Variants in LRP2 observed in about 807,000 individuals in gnomAD.
The protein encoded by LRP2 is LDL receptor related protein 2.
LRP2 carries 172 observed loss-of-function variants against 531.0 expected under a neutral mutation model. The observed-to-expected ratio is 0.32, with a 90% confidence interval of 0.29 to 0.37. The LOEUF is 0.37. LRP2 is among the 10% of genes least tolerant of loss of function. The probability of loss-of-function intolerance (pLI) is 1.00; values close to 1 mark genes in which losing one functional copy is unlikely to be tolerated. For missense variants in LRP2, 5,167 were observed against 5,868.3 expected (o/e 0.88, Z 3.90); for synonymous variants, 1,992 against 2,027.6 (o/e 0.98, Z 0.47).
In LRP2 at chr2:169,344,948, G is replaced by A. The variant is rs184281464; in HGVS notation, c.79+17373C>T. On this transcript the variant is annotated intron_variant, in intron 1 of 78. Transcript: ENST00000649046. The stretch of plus-strand genomic sequence containing the variant: ...GGCAGGCAGTGACTGAGATGAGAAG[G>A]AAACACTCTAATTTGTCATCAAAAA... 5.3e-4 allele frequency among the ~76,000 whole-genome samples: 81 copies of A among 152,142 alleles called. No homozygotes were observed. In the South Asian group the frequency reaches 5.6e-3, roughly 11 times the overall value.
intron 70 of LRP2, among the ~76,000 whole-genome samples, chr2:169,145,184 T>C (rs2105346364): frequency 6.6e-6 from 1 of 152,336 alleles, no homozygotes; most frequent in Non-Finnish European, 1.5e-5. Context: ...CTCACTTCCC[T>C]TTGCCTTTCA....
At chr2:169,316,221 A>G (rs1483755697) in intron 3 of LRP2, among the ~76,000 whole-genome samples, 3 of 152,086 alleles carry the variant, frequency 2.0e-5, no homozygotes, top group Non-Finnish European at 4.4e-5. Flanking sequence ...AGAAATATTT[A>G]TGAGGCAAAT....
chr2:169,289,575 AG>A (rs200495175), intron 8 of LRP2, among the ~76,000 whole-genome samples: 4,792 of 151,444 alleles, frequency 0.032, 138 homozygotes, highest in Middle Eastern at 0.13. Context: ...ACAAAAGAAA[AG>A]AAAAAGCTCC....
At chr2:169,181,298 G>C in intron 52 of LRP2, 150 bp downstream of exon 52, 1 of 707,978 alleles carries the variant, frequency 1.4e-6, no homozygotes, top group Admixed American at 2.1e-5. Context: ...ATAGAGCTCA[G>C]CAGTTTTAGT....
chr2:169,310,925 C>A (rs988598631), intron 3 of LRP2, among the ~76,000 whole-genome samples: 1 of 152,102 alleles, frequency 6.6e-6, no homozygotes, highest in African/African-American at 2.4e-5. Context: ...CTGGTTTAGT[C>A]TTGGGAGGGC....
chr2:169,185,981 C>A lies in LRP2; in HGVS notation c.9367G>T (p.Asp3123Tyr). The A allele has an allele frequency of 6.2e-7, 1 of 1,613,646 alleles. No individual in the cohort carries two copies. Among genetic ancestry groups the A allele is most frequent in the Non-Finnish European group, 8.5e-7 (1 of 1,179,898 alleles). The change falls in exon 50 of 79, where the codon GAT (aspartate) becomes TAT (tyrosine). Residue 3123 changes from aspartate (D) to tyrosine (Y), a missense_variant. Transcript: ENST00000649046. ...ECHDPSISGCDHNCTDTLTSF... is the reference protein window; with the variant it reads ...ECHDPSISGCYHNCTDTLTSF... ...GTTAAGGTGTCTGTGCAGTTGTGAT[C>A]GCAGCCACTGATTGAAGGGTCATGG...
chr2:169,225,221 C>T (rs1574152231), intron 33 of LRP2, 89 bp downstream of exon 33: 4 of 1,400,006 alleles, frequency 2.9e-6, no homozygotes, highest in Non-Finnish European at 4.0e-6. Flanking sequence ...AAAAATGATT[C>T]CAAAATCCAC....
At chr2:169,316,369 A>ACAGCAAT (rs1684763870) in intron 3 of LRP2, among the ~76,000 whole-genome samples, 1 of 152,172 alleles carries the variant, frequency 6.6e-6, no homozygotes, top group Admixed American at 6.6e-5. Flanking sequence ...CCTGTCACTT[A>ACAGCAAT]CAGCAATCTT....
At chr2:169,216,223 A>G in intron 35 of LRP2, 30 bp downstream of exon 35, 1 of 1,611,456 alleles carries the variant, frequency 6.2e-7, no homozygotes, top group Admixed American at 1.7e-5. Flanking sequence ...GCTCAGCATA[A>G]AGACCAAAAG....
intron 17 of LRP2, among the ~76,000 whole-genome samples, chr2:169,257,967 A>G (rs1268004285): frequency 6.6e-6 from 1 of 152,146 alleles, no homozygotes; most frequent in Non-Finnish European, 1.5e-5. Flanking sequence ...TAAACAAAAG[A>G]GTCATCAGGA....
In LRP2 at chr2:169,232,316, T is replaced by C. The variant is rs116718746; in HGVS notation, c.5099-474A>G. Among the ~76,000 whole-genome samples, 1,064 of 151,854 alleles carry C rather than the reference T, an allele frequency of 7.0e-3. 7 individuals carry two copies. Among genetic ancestry groups the C allele is most frequent in the Middle Eastern group, 0.041 (12 of 294 alleles). On this transcript the variant is annotated intron_variant, in intron 30 of 78. Coordinates refer to ENST00000649046, the MANE Select transcript of LRP2 (RefSeq NM_004525.3). ...TTTATTTTTCTACTGATGATATCTC[T>C]GTGTGTCTCTGCACCTTGAAAATCA...
chr2:169,303,431 G>A (rs938831967), intron 4 of LRP2, among the ~76,000 whole-genome samples: 2 of 152,044 alleles, frequency 1.3e-5, no homozygotes, highest in African/African-American at 2.4e-5. Flanking sequence ...CAGCATTGAC[G>A]TGAAAAGTGG....
intron 61 of LRP2, 134 bp from the exon 62 acceptor site, chr2:169,166,188 C>T: frequency 2.4e-6 from 2 of 849,826 alleles, no homozygotes; most frequent in Non-Finnish European, 3.9e-6. Context: ...AATCAATCAG[C>T]AGATACACCT....
intron 4 of LRP2, among the ~76,000 whole-genome samples, chr2:169,298,167 A>G (rs1403675770): frequency 2.6e-5 from 4 of 151,436 alleles, no homozygotes; most frequent in Non-Finnish European, 5.9e-5. Flanking sequence ...ACTTACTTCA[A>G]GCGCTACCCA....
chr2:169,211,664 G>A (rs1297678255), intron 37 of LRP2, among the ~76,000 whole-genome samples: 2 of 152,068 alleles, frequency 1.3e-5, no homozygotes, highest in African/African-American at 4.8e-5. Context: ...CGTGATCCAT[G>A]GGCCAGCACC....
chr2:169,294,760 A>G, intron 4 of LRP2, 50 bp from the exon 5 acceptor site: 1 of 1,249,452 alleles, frequency 8.0e-7, no homozygotes, highest in Non-Finnish European at 1.1e-6. Flanking sequence ...AACAGTAAAC[A>G]AACCTTAAAT....
intron 30 of LRP2, among the ~76,000 whole-genome samples, chr2:169,232,295 T>C (rs1184657311): frequency 6.6e-6 from 1 of 152,204 alleles, no homozygotes; most frequent in African/African-American, 2.4e-5. Flanking sequence ...TAATCTTTTA[T>C]TTTTCTACTG....
At chr2:169,175,136 G>T in intron 55 of LRP2, 57 bp downstream of exon 55, 1 of 1,539,092 alleles carries the variant, frequency 6.5e-7, no homozygotes, top group Non-Finnish European at 9.0e-7. Flanking sequence ...ACAGAATCAT[G>T]ATCGTATACA....
At chr2:169,273,946 A>G (rs541281691) in intron 14 of LRP2, among the ~76,000 whole-genome samples, 40 of 152,262 alleles carry the variant, frequency 2.6e-4, no homozygotes, top group African/African-American at 9.1e-4. Flanking sequence ...ATTTCCAAAA[A>G]TGTTTTCAGA....
Sources: allele counts gnomAD v4.1 joint callset (sites outside exome capture counted in the v4.1 genomes callset), GRCh38; gene constraint gnomAD v4.1.1; transcripts MANE v1.5; gene names NCBI Gene and HGNC (gene_info 2026-07-23, HGNC 2026-07-21).